BNIP3L: variants seen among roughly 807,000 people sequenced by gnomAD.
BNIP3L encodes the protein BCL2 interacting protein 3 like, also known as BCL2/adenovirus E1B 19 kDa protein-interacting protein 3-like.
A neutral mutation model predicts 25.5 loss-of-function variants in BNIP3L; 10 were observed. The observed-to-expected ratio is 0.39, with a 90% CI of 0.24 to 0.67. BNIP3L has a LOEUF of 0.67. Ranked by LOEUF, BNIP3L falls within the 30% of genes least tolerant of loss-of-function variation. The probability of loss-of-function intolerance (pLI) is 0.45; values close to 1 mark genes in which losing one functional copy is unlikely to be tolerated. For synonymous variants in BNIP3L, 113 were observed against 101.2 expected (o/e 1.12, Z -0.70); for missense variants, 215 against 270.9 (o/e 0.79, Z 1.45).
intron 3 of BNIP3L, among the ~76,000 whole-genome samples, chr8:26,405,042 A>C (rs1362686352): frequency 2.6e-5 from 4 of 152,212 alleles, no homozygotes; most frequent in African/African-American, 9.7e-5. Flanking sequence ...TGGGAAACTT[A>C]TGGAGTTCTT....
chr8:26,383,444 G>C, intron 1 of BNIP3L: 1 of 1,377,056 alleles, frequency 7.3e-7, no homozygotes, highest in South Asian at 1.6e-5. Context: ...CTTGGGCCCG[G>C]GGCCGTTTGG....
At chr8:26,400,805 A>G (rs796237072) in intron 3 of BNIP3L, among the ~76,000 whole-genome samples, 756 of 86,106 alleles carry the variant, frequency 8.8e-3, no homozygotes, top group East Asian at 0.021. Flanking sequence ...GCCAAAAAAC[A>G]CATGAAAAAA....
At chr8:26,384,597 A>G (rs1188649718) in intron 1 of BNIP3L, among the ~76,000 whole-genome samples, 2 of 152,186 alleles carry the variant, frequency 1.3e-5, no homozygotes, top group South Asian at 2.1e-4. Context: ...CTTCAGAGCT[A>G]GCTAACTGCC....
chr8:26,390,657 T>A, intron 1 of BNIP3L: 1 of 728,548 alleles, frequency 1.4e-6, no homozygotes, highest in Non-Finnish European at 1.7e-6. Flanking sequence ...CCAGCTGCAT[T>A]AATTTTATGC....
chr8:26,395,409 C>T (rs1379656966), intron 3 of BNIP3L, 107 bp downstream of exon 3: 1 of 1,197,882 alleles, frequency 8.3e-7, no homozygotes, highest in Non-Finnish European at 1.2e-6. Context: ...TAGTTTGAAG[C>T]TATTATTGAG....
At chr8:26,389,685 C>T (rs1021347801) in intron 1 of BNIP3L, among the ~76,000 whole-genome samples, 2 of 152,192 alleles carry the variant, frequency 1.3e-5, no homozygotes, top group African/African-American at 4.8e-5. Flanking sequence ...ACTACTAAAT[C>T]GTCACAGCAC....
intron 3 of BNIP3L, among the ~76,000 whole-genome samples, chr8:26,402,300 A>C (rs1293413829): frequency 6.6e-6 from 1 of 152,210 alleles, no homozygotes; most frequent in Non-Finnish European, 1.5e-5. Flanking sequence ...GAGCATTTGA[A>C]TTGCTGGCTT....
At position 26,408,016 on chromosome 8, in the gene BNIP3L, TAGA is replaced by T; in HGVS notation, c.377_379del (p.Glu126del). On this transcript the variant is annotated inframe_deletion, in exon 4 of 6. Transcript: ENST00000380629. ...TCTTTACAGTCAGAAGAAGAAGTTGTAGAAGGAGAGAAGGAAGTCGAGGCTTTG... is the reference window on the plus strand; with the variant it reads ...TCTTTACAGTCAGAAGAAGAAGTTGTAGGAGAGAAGGAAGTCGAGGCTTTG... 1 of 1,614,172 alleles carries T rather than the reference TAGA, an allele frequency of 6.2e-7. No homozygotes were observed. The highest frequency in any genetic ancestry group is 8.5e-7 in the Non-Finnish European group (1 of 1,180,006).
rs181172363 is a variant in BNIP3L, at chr8:26,410,558, A to T, written c.*146A>T. ...CCAATTCCAGTAACTCTCAAATTCA[A>T]TATTTTATTCAAACTCTGTTGAGGC... On this transcript the variant is annotated 3_prime_UTR_variant, in exon 6 of 6. Coordinates refer to ENST00000380629, the MANE Select transcript of BNIP3L (RefSeq NM_004331.3). 387 of 924,814 alleles carry T rather than the reference A, an allele frequency of 4.2e-4. No individual in the cohort carries two copies. Among genetic ancestry groups the T allele is most frequent in the Non-Finnish European group, 6.1e-4 (356 of 587,684 alleles). 57.3% of individuals were successfully genotyped at this position (924,814 alleles called of 1,614,324 possible). A position where few individuals can be genotyped will look rare whatever the true frequency, so the allele number is the denominator to read the frequency against.
intron 3 of BNIP3L, among the ~76,000 whole-genome samples, chr8:26,405,592 T>G (rs1038479782): frequency 6.6e-6 from 1 of 152,194 alleles, no homozygotes; most frequent in Non-Finnish European, 1.5e-5. Flanking sequence ...TCAAGAGTCA[T>G]GTGAATATGT....
At chr8:26,404,228 C>T (rs934262887) in intron 3 of BNIP3L, among the ~76,000 whole-genome samples, 4 of 152,082 alleles carry the variant, frequency 2.6e-5, no homozygotes, top group Non-Finnish European at 4.4e-5. Context: ...GCCAAAAGTC[C>T]GAGAAGCGAT....
chr8:26,412,507 TAAAA>T lies in BNIP3L; in HGVS notation c.*2097_*2100del, dbSNP rs537543370. On this transcript the variant is annotated 3_prime_UTR_variant, in exon 6 of 6. Coordinates refer to ENST00000380629, the MANE Select transcript of BNIP3L (RefSeq NM_004331.3). ...GTATATTTATGATTTCTTTCAGCGT[TAAAA>T]AGAAACATAGTGTTGCCCTTTTTCT... The T allele has an allele frequency of 2.6e-5, 4 of 152,358 alleles. No homozygotes were observed. In the South Asian group the frequency reaches 8.3e-4, roughly 32 times the overall value. The allele number at this position is 152,358 out of a possible 1,614,324, so 9.4% of individuals were successfully genotyped here. A position where few individuals can be genotyped will look rare whatever the true frequency, so the allele number is the denominator to read the frequency against.
At chr8:26,384,938 A>G (rs1033757724) in intron 1 of BNIP3L, among the ~76,000 whole-genome samples, 2 of 151,846 alleles carry the variant, frequency 1.3e-5, no homozygotes, top group African/African-American at 2.4e-5. Flanking sequence ...AGCTAGGCTA[A>G]TTTTTGTATT....
At chr8:26,385,872 C>T (rs1478187460) in intron 1 of BNIP3L, among the ~76,000 whole-genome samples, 3 of 152,150 alleles carry the variant, frequency 2.0e-5, no homozygotes, top group Admixed American at 2.0e-4. Context: ...TCCCTTCTTG[C>T]CTCTCACTCT....
intron 2 of BNIP3L, 51 bp downstream of exon 2, chr8:26,391,477 G>A: frequency 1.4e-6 from 2 of 1,417,902 alleles, no homozygotes; most frequent in Non-Finnish European, 1.9e-6. Context: ...TGGGTTACAG[G>A]GCTCATTCAC....
chr8:26,390,295 A>G (rs1806075125), intron 1 of BNIP3L: 27 of 946,234 alleles, frequency 2.9e-5, no homozygotes, highest in Non-Finnish European at 3.4e-5. Context: ...ACGTTTAGCA[A>G]ACTCATCAGA....
At chr8:26,389,572 G>T (rs1406718264) in intron 1 of BNIP3L, among the ~76,000 whole-genome samples, 1 of 152,194 alleles carries the variant, frequency 6.6e-6, no homozygotes, top group Non-Finnish European at 1.5e-5. Flanking sequence ...TGGGATGGTG[G>T]TAGCCACTGG....
At chr8:26,406,862 C>T (rs971675825) in intron 3 of BNIP3L, among the ~76,000 whole-genome samples, 6 of 151,942 alleles carry the variant, frequency 3.9e-5, no homozygotes, top group African/African-American at 1.4e-4. Context: ...ATATTTGCCC[C>T]TTTAAGTGCT....
intron 1 of BNIP3L, among the ~76,000 whole-genome samples, chr8:26,387,134 C>T (rs575401951): frequency 6.6e-6 from 1 of 152,266 alleles, no homozygotes; most frequent in African/African-American, 2.4e-5. Context: ...CTTCTTCTTG[C>T]AAGAGGATTG....
Sources: gnomAD v4.1 joint callset for allele counts (sites outside exome capture counted in the v4.1 genomes callset) on GRCh38, gnomAD v4.1.1 for gene constraint, MANE v1.5 for transcripts, NCBI Gene and HGNC (gene_info 2026-07-23, HGNC 2026-07-21) for gene names.